MTCL1: variants seen among roughly 807,000 people sequenced by gnomAD.
MTCL1 encodes microtubule cross-linking factor 1.
Under a neutral mutation model 141.4 loss-of-function variants are expected in MTCL1, and 79 were observed. The observed-to-expected ratio is 0.56, with a 90% CI of 0.47 to 0.67. The LOEUF (loss-of-function observed/expected upper bound fraction) is 0.67, where lower values mean the gene tolerates loss of function less well. Ranked by LOEUF, MTCL1 falls within the 30% of genes least tolerant of loss-of-function variation. The probability of loss-of-function intolerance (pLI) is 0.00; values close to 1 mark genes in which losing one functional copy is unlikely to be tolerated. For missense variants in MTCL1, 2,177 were observed against 2,113.9 expected (o/e 1.03, Z -0.59); for synonymous variants, 914 against 875.8 (o/e 1.04, Z -0.77).
intron 11 of MTCL1, chr18:8,809,605 G>C (rs1433233305): frequency 1.2e-5 from 19 of 1,535,036 alleles, no homozygotes; most frequent in Non-Finnish European, 1.7e-5. Context: ...AGTGGAGAAG[G>C]AGTGGAGGGC....
chr18:8,829,031 C>A, intron 16 of MTCL1: 3 of 1,612,598 alleles, frequency 1.9e-6, no homozygotes, highest in South Asian at 1.1e-5. Flanking sequence ...GCAGTTGGCA[C>A]CTGACGCTCA....
At chr18:8,710,937 G>T (rs1483765310) in intron 1 of MTCL1, among the ~76,000 whole-genome samples, 3 of 111,442 alleles carry the variant, frequency 2.7e-5, no homozygotes, top group Admixed American at 2.4e-4. Flanking sequence ...TGTGCACATT[G>T]TGCAGGTTAG....
intron 10 of MTCL1, among the ~76,000 whole-genome samples, chr18:8,805,102 A>AATATATATATATATAT (rs71356268): frequency 0.031 from 4,597 of 146,120 alleles, 129 homozygotes; most frequent in Middle Eastern, 0.078. Context: ...TTTATTTTTG[A>AATATATATATATATAT]ATATATATAT....
At chr18:8,767,290 C>G (rs2096463946) in intron 4 of MTCL1, among the ~76,000 whole-genome samples, 1 of 152,184 alleles carries the variant, frequency 6.6e-6, no homozygotes, top group Non-Finnish European at 1.5e-5. Flanking sequence ...GTAATGCTAG[C>G]CAGTGATGCT....
chr18:8,766,717 T>G (rs886173819), intron 4 of MTCL1, among the ~76,000 whole-genome samples: 1 of 152,224 alleles, frequency 6.6e-6, no homozygotes, highest in Non-Finnish European at 1.5e-5. Context: ...TGCTCCCAGC[T>G]GTAGCCCTGG....
Position 8,736,267 on chromosome 18 carries a change from A to C in MTCL1, c.357+15771A>C, listed in dbSNP as rs1222476907. Among the ~76,000 whole-genome samples, 3 of 152,214 alleles carry C rather than the reference A, an allele frequency of 2.0e-5. No homozygotes were observed. In the East Asian group the frequency reaches 5.8e-4, roughly 29 times the overall value. On this transcript the variant is annotated intron_variant, in intron 4 of 16. Coordinates refer to ENST00000359865, the Ensembl canonical transcript of MTCL1. ...ATGTGACATCATGCATCTTAAAATCAGTGAAATACGGTATGTGTAGATGCT... is the reference window on the plus strand; with the variant it reads ...ATGTGACATCATGCATCTTAAAATCCGTGAAATACGGTATGTGTAGATGCT...
chr18:8,821,407 T>C (rs976943822), intron 13 of MTCL1, 60 bp from the exon 13 acceptor site: 1 of 1,104,074 alleles, frequency 9.1e-7, no homozygotes, highest in Admixed American at 1.9e-5. Flanking sequence ...CTTAAGTACA[T>C]TCAGGGCTTC....
At chr18:8,759,813 G>T (rs1448386968) in intron 4 of MTCL1, among the ~76,000 whole-genome samples, 3 of 152,262 alleles carry the variant, frequency 2.0e-5, no homozygotes, top group African/African-American at 7.2e-5. Flanking sequence ...GGGTCCCAGA[G>T]CTTGAAGCGG....
intron 10 of MTCL1, among the ~76,000 whole-genome samples, chr18:8,799,786 T>C (rs1384534881): frequency 6.6e-6 from 1 of 152,228 alleles, no homozygotes; most frequent in Non-Finnish European, 1.5e-5. Context: ...TCTGGTTTTC[T>C]AAACAACAGT....
chr18:8,811,456 T>C (rs992202731), intron 11 of MTCL1, among the ~76,000 whole-genome samples: 3 of 152,174 alleles, frequency 2.0e-5, no homozygotes, highest in Non-Finnish European at 4.4e-5. Flanking sequence ...ACATCCAAAC[T>C]ACAGCACTGA....
chr18:8,735,428 A>T (rs1398249940), intron 4 of MTCL1, among the ~76,000 whole-genome samples: 1 of 152,158 alleles, frequency 6.6e-6, no homozygotes, highest in Non-Finnish European at 1.5e-5. Context: ...GGAATCTAAC[A>T]GGACAGGAAC....
rs939100754 is a variant in MTCL1, at chr18:8,784,658, A to G, written c.1546A>G (p.Asn516Asp). ...GGAGCCCCAGCTGCTGGGGACCATC[A>G]ACGCCAAGATGAAGGCTTTCAAGAA... The change falls in exon 6 of 17, where the codon AAC becomes GAC. Residue 516 changes from asparagine to aspartate, a missense_variant. Coordinates refer to ENST00000359865, the Ensembl canonical transcript of MTCL1. 1.9e-6 allele frequency: 3 copies of G among 1,614,082 alleles called. No homozygotes were observed. The Admixed American group carries it at 5.0e-5, about 27-fold the overall frequency.
At chr18:8,763,161 G>A (rs1467596445) in intron 4 of MTCL1, among the ~76,000 whole-genome samples, 1 of 152,196 alleles carries the variant, frequency 6.6e-6, no homozygotes, top group African/African-American at 2.4e-5. Context: ...GACAAGATGT[G>A]CCGAGTTGTT....
At chr18:8,765,029 C>A (rs1284836737) in intron 4 of MTCL1, among the ~76,000 whole-genome samples, 1 of 152,186 alleles carries the variant, frequency 6.6e-6, no homozygotes, top group Non-Finnish European at 1.5e-5. Flanking sequence ...CACCATGGGG[C>A]TGCCTCAAAG....
At chr18:8,714,703 C>T (rs756269497), upstream of MTCL1, among the ~76,000 whole-genome samples, 41 of 152,198 alleles carry the variant, frequency 2.7e-4, no homozygotes, top group Non-Finnish European at 5.6e-4. Context: ...CTGGGTCCCT[C>T]CTGTGACACG....
chr18:8,831,759 G>A, exon 17 of MTCL1: 2 of 1,550,378 alleles, frequency 1.3e-6, no homozygotes, highest in South Asian at 1.2e-5. Context: ...CCTTGGAGGA[G>A]CATGGTGGCG....
exon 6 of MTCL1, chr18:8,784,160 G>T (rs377251478): frequency 3.1e-6 from 5 of 1,613,658 alleles, no homozygotes; most frequent in Middle Eastern, 3.3e-4. Flanking sequence ...CGAGCTCAGC[G>T]GCAAGGTGCT....
At chr18:8,764,016 A>C (rs923311182) in intron 4 of MTCL1, among the ~76,000 whole-genome samples, 2 of 152,202 alleles carry the variant, frequency 1.3e-5, no homozygotes, top group African/African-American at 4.8e-5. Flanking sequence ...TATATAGAAT[A>C]TATAGAAATC....
chr18:8,718,962 T>TTTTTTTTTTTTTTTTTTTTTGAG (rs2096149569), intron 3 of MTCL1, among the ~76,000 whole-genome samples: 5 of 151,028 alleles, frequency 3.3e-5, no homozygotes, highest in African/African-American at 1.2e-4. Context: ...ATATTTTTTT[T>TTTTTTTTTTTTTTTTTTTTTGAG]AAAAATCTAT....
Sources: allele counts gnomAD v4.1 joint callset (sites outside exome capture counted in the v4.1 genomes callset), GRCh38; gene constraint gnomAD v4.1.1; transcripts MANE v1.5; gene names NCBI Gene and HGNC (gene_info 2026-07-23, HGNC 2026-07-21).